Variants in TBC1D31 observed in about 807,000 individuals in gnomAD.
The protein encoded by TBC1D31 is WD repeat domain 67.
Under a neutral mutation model 132.9 loss-of-function variants are expected in TBC1D31, and 99 were observed. That is an observed-to-expected ratio of 0.74 (90% CI 0.63 to 0.88). The LOEUF is 0.88. Among genes scored for constraint, TBC1D31 ranks in the 40% least tolerant of loss-of-function variants. TBC1D31 has a pLI of 0.00. For missense variants in TBC1D31, 1,134 were observed against 1,256.6 expected, an observed-to-expected ratio of 0.90 and a Z score of 1.48; for synonymous variants, 385 against 419.4, an observed-to-expected ratio of 0.92 and a Z score of 1.00.
chr8:123,137,216 A>G (rs1821180887), intron 17 of TBC1D31, among the ~76,000 whole-genome samples: 1 of 152,202 alleles, frequency 6.6e-6, no homozygotes, highest in African/African-American at 2.4e-5. Flanking sequence ...GACCTCATTT[A>G]TCAAGTCTGT....
intron 11 of TBC1D31, chr8:123,123,439 C>A: frequency 6.2e-6 from 1 of 160,886 alleles, no homozygotes. Context: ...GCCTTGAAAT[C>A]AAAGGAGAAC....
At chr8:123,085,613 G>A (rs868424117) in intron 4 of TBC1D31, among the ~76,000 whole-genome samples, 7 of 151,848 alleles carry the variant, frequency 4.6e-5, no homozygotes, top group Admixed American at 1.3e-4. Flanking sequence ...TTTTTTTGTT[G>A]TTAGCCAGGA....
At chr8:123,144,920 A>T in intron 20 of TBC1D31, 65 bp downstream of exon 20, 2 of 1,405,140 alleles carry the variant, frequency 1.4e-6, no homozygotes, top group Middle Eastern at 1.8e-4. Context: ...AGGGTCTATT[A>T]TTATGATTTT....
the TBC1D31 span, among the ~76,000 whole-genome samples, chr8:123,161,248 G>C: frequency 6.6e-6 from 1 of 152,216 alleles, no homozygotes; most frequent in Non-Finnish European, 1.5e-5. Flanking sequence ...CTGTAGAGAC[G>C]GGGATGTCTT....
intron 10 of TBC1D31, among the ~76,000 whole-genome samples, chr8:123,110,122 A>C (rs1236769162): frequency 1.3e-5 from 2 of 152,198 alleles, no homozygotes; most frequent in African/African-American, 4.8e-5. Context: ...CATAGTGGAA[A>C]GAGCTTTGAA....
At chr8:123,127,821 T>G (rs965327306) in intron 13 of TBC1D31, 1 of 154,490 alleles carries the variant, frequency 6.5e-6, no homozygotes, top group Non-Finnish European at 1.4e-5. Flanking sequence ...TGTTACTTAT[T>G]TAGTGGTTAC....
rs766386715 is a variant in TBC1D31 at position 123,130,261 on chromosome 8, G to C, written c.2334G>C (p.Arg778Ser). ...TGCACTTACAAGATGCTGCAAGAAG[G>C]CGTTTTCTGAAGCTTCAGCAAGATC... ...KEMHLQDAAR[R>S]RFLKLQQDQQ... Residue 778 changes from arginine (R) to serine (S), a missense_variant, in exon 16 of 22, where the codon AGG becomes AGC. By Grantham distance (110) the Arg-to-Ser change is moderately radical (BLOSUM62 -1). Coordinates refer to ENST00000287380, the MANE Select transcript of TBC1D31 (RefSeq NM_145647.4). 4 of 1,612,844 alleles carry C rather than the reference G, an allele frequency of 2.5e-6. No individual in the cohort carries two copies. The African/African-American group carries it at 5.3e-5, about 22-fold the overall frequency.
At chr8:123,155,683 G>C (rs1436938907), downstream of TBC1D31, among the ~76,000 whole-genome samples, 1 of 152,184 alleles carries the variant, frequency 6.6e-6, no homozygotes, top group Non-Finnish European at 1.5e-5. The surrounding 1 kb of genome is among the most constrained non-coding windows in gnomAD (Gnocchi z 4.1). Context: ...GGGGAGGCCA[G>C]GTCCCCCTGA....
In TBC1D31 at chr8:123,105,406, G is replaced by C. The variant is rs746566850; in HGVS notation, c.1151G>C (p.Ser384Thr). The C allele has an allele frequency of 2.2e-5, 36 of 1,613,002 alleles. 1 individual carries two copies. In the South Asian group the frequency reaches 3.7e-4, roughly 17 times the overall value. ...RVQQPAKSRE[S>T]KMQTRILKQD... ...CAGCAGCCAGCAAAATCTAGGGAAA[G>C]CAAAATGCAAACTAGAATATTAAAA... The change falls in exon 8 of 22, where the codon AGC becomes ACC. Residue 384 changes from serine to threonine, a missense_variant. By Grantham distance (58) the Ser-to-Thr change is moderately conservative. Transcript: ENST00000287380.
intron 6 of TBC1D31, among the ~76,000 whole-genome samples, chr8:123,098,558 G>A (rs150778379): frequency 1.6e-3 from 239 of 152,334 alleles, no homozygotes; most frequent in African/African-American, 5.1e-3. Flanking sequence ...AAAGTGCTGG[G>A]ATTATAGGCG....
At chr8:123,141,010 T>C (rs528696467) in intron 18 of TBC1D31, 109 bp downstream of exon 18, 2 of 1,051,054 alleles carry the variant, frequency 1.9e-6, no homozygotes, top group African/African-American at 3.2e-5. Context: ...TTAGTTTGTT[T>C]CTTTGCTTCA....
At chr8:123,129,332 T>G in intron 15 of TBC1D31, 114 bp downstream of exon 15, 325 of 574,292 alleles carry the variant, frequency 5.7e-4, no homozygotes, top group Non-Finnish European at 7.7e-4. Flanking sequence ...TACCCAGCTG[T>G]AGCATTTCTA....
Position 123,074,574 on chromosome 8 carries a change from CTT to C in TBC1D31, c.77+1730_77+1731del, listed in dbSNP as rs1282117088. Among the ~76,000 whole-genome samples the C allele has an allele frequency of 5.9e-5, 9 of 152,312 alleles. No homozygotes were observed. The East Asian group carries it at 1.7e-3, about 29-fold the overall frequency. ...AAAAGTTATAGCCCACTCGCCTTCTCTTTCTTGATGATACAAAATATCTAGAT... is the reference window on the plus strand; with the variant it reads ...AAAAGTTATAGCCCACTCGCCTTCTCTCTTGATGATACAAAATATCTAGAT... On this transcript the variant is annotated intron_variant, in intron 1 of 21. Transcript: ENST00000287380.
intron 17 of TBC1D31, among the ~76,000 whole-genome samples, chr8:123,138,904 G>T (rs999508807): frequency 3.3e-5 from 5 of 152,064 alleles, no homozygotes; most frequent in Admixed American, 3.3e-4. Flanking sequence ...CTGCCTCCCG[G>T]GCTCCTGCAA....
At chr8:123,155,846 T>G (rs1285245228), downstream of TBC1D31, among the ~76,000 whole-genome samples, 2 of 152,304 alleles carry the variant, frequency 1.3e-5, no homozygotes, top group African/African-American at 4.8e-5. This position sits in a 1 kb window ranked among gnomAD's most constrained non-coding sequence, Gnocchi z 4.1. Flanking sequence ...GGTTTCTGAA[T>G]TGACACTAAT....
intron 2 of TBC1D31, among the ~76,000 whole-genome samples, chr8:123,080,648 T>G (rs904716268): frequency 2.0e-5 from 3 of 149,162 alleles, no homozygotes; most frequent in African/African-American, 7.4e-5. Flanking sequence ...GCAATTCTTC[T>G]GCCTCAGCCT....
At chr8:123,096,083 T>C (rs951621381) in intron 5 of TBC1D31, among the ~76,000 whole-genome samples, 1 of 152,240 alleles carries the variant, frequency 6.6e-6, no homozygotes, top group Admixed American at 6.5e-5. Flanking sequence ...TTGTTCTCCC[T>C]GTTTTCAATC....
intron 4 of TBC1D31, among the ~76,000 whole-genome samples, chr8:123,084,609 C>A (rs775312325): frequency 6.6e-6 from 1 of 152,082 alleles, no homozygotes; most frequent in Non-Finnish European, 1.5e-5. Flanking sequence ...TCATTTTTAA[C>A]CCTCTGACAT....
chr8:123,079,776 C>G (rs1350244184), intron 2 of TBC1D31, among the ~76,000 whole-genome samples: 1 of 152,174 alleles, frequency 6.6e-6, no homozygotes, highest in Non-Finnish European at 1.5e-5. Flanking sequence ...AAATAGATAC[C>G]TTCAAGCTTT....
Sources: gnomAD v4.1 joint callset for allele counts (sites outside exome capture counted in the v4.1 genomes callset) on GRCh38, gnomAD v4.1.1 for gene constraint, Gnocchi (gnomAD v3.1) non-coding constraint, MANE v1.5 for transcripts, NCBI Gene and HGNC (gene_info 2026-07-23, HGNC 2026-07-21) for gene names.